Variants in DYNC1LI2 observed in about 807,000 individuals in gnomAD.
DYNC1LI2 encodes dynein cytoplasmic 1 light intermediate chain 2, also known as cytoplasmic dynein 1 light intermediate chain 2.
Under a neutral mutation model 57.8 loss-of-function variants are expected in DYNC1LI2, and 19 were observed. The observed-to-expected ratio is 0.33, with a 90% CI of 0.23 to 0.48. The LOEUF is 0.48. DYNC1LI2 is among the 20% of genes least tolerant of loss of function. The probability of loss-of-function intolerance (pLI) is 0.99; values close to 1 mark genes in which losing one functional copy is unlikely to be tolerated. For synonymous variants in DYNC1LI2, 256 were observed against 233.4 expected (o/e 1.10, Z -0.88); for missense variants, 470 against 604.2 (o/e 0.78, Z 2.33).
chr16:66,737,485 C>T (rs1457887452), intron 4 of DYNC1LI2, among the ~76,000 whole-genome samples: 3 of 121,210 alleles, frequency 2.5e-5, no homozygotes, highest in Non-Finnish European at 4.9e-5. Context: ...AGCGAGACTC[C>T]GTCTCAAAAA....
intron 8 of DYNC1LI2, among the ~76,000 whole-genome samples, chr16:66,729,567 T>C (rs1260451587): frequency 6.8e-6 from 1 of 146,862 alleles, no homozygotes; most frequent in Non-Finnish European, 1.5e-5. Flanking sequence ...CCTGTTTCTT[T>C]ATAGTTTTTT....
At chr16:66,732,227 A>G in intron 7 of DYNC1LI2, 112 bp downstream of exon 7, 1 of 1,310,100 alleles carries the variant, frequency 7.6e-7, no homozygotes, top group Admixed American at 2.6e-5. Flanking sequence ...GCAGTGAGAG[A>G]GCTGGCTGTA....
At chr16:66,744,016 A>C (rs1331311608) in intron 3 of DYNC1LI2, among the ~76,000 whole-genome samples, 1 of 152,186 alleles carries the variant, frequency 6.6e-6, no homozygotes, top group Admixed American at 6.5e-5. Flanking sequence ...GAGTAAACAG[A>C]GCAAAGAGTA....
At chr16:66,743,261 A>G (rs1313797294) in intron 3 of DYNC1LI2, among the ~76,000 whole-genome samples, 1 of 151,996 alleles carries the variant, frequency 6.6e-6, no homozygotes, top group Non-Finnish European at 1.5e-5. Context: ...AATGTCTATG[A>G]AGTAAAGATT....
chr16:66,739,096 T>A, intron 4 of DYNC1LI2: 1 of 152,162 alleles, frequency 6.6e-6, no homozygotes, highest in Non-Finnish European at 1.5e-5. Flanking sequence ...AATCTTCAAA[T>A]CAATAAAATA....
Position 66,725,817 on chromosome 16 carries a change from C to T in DYNC1LI2, c.1378+11G>A, listed in dbSNP as rs1267788823. ...CCACAAGAGTCACAAGTCTCCAGGG[C>T]CCTTCTGTACCTGACTTCTTGGCTG... On this transcript the variant is annotated intron_variant, in intron 12 of 12. Coordinates refer to ENST00000258198, the MANE Select transcript of DYNC1LI2 (RefSeq NM_006141.3). The T allele has an allele frequency of 3.1e-6, 5 of 1,609,656 alleles. No homozygotes were observed. Among genetic ancestry groups the T allele is most frequent in the African/African-American group, 1.3e-5 (1 of 74,650 alleles).
intron 5 of DYNC1LI2, among the ~76,000 whole-genome samples, chr16:66,735,019 A>AAAT (rs2017707138): frequency 1.3e-5 from 2 of 150,844 alleles, no homozygotes; most frequent in Non-Finnish European, 3.0e-5. Context: ...AAAAAAAAAA[A>AAAT]AAAGTTTTAA....
At chr16:66,724,067 G>T (rs11862377) in intron 12 of DYNC1LI2, among the ~76,000 whole-genome samples, 2 of 151,826 alleles carry the variant, frequency 1.3e-5, no homozygotes, top group African/African-American at 4.8e-5. Context: ...GCTCTCTGGC[G>T]GGGGGTGCCT....
chr16:66,736,359 A>AG, intron 4 of DYNC1LI2, 115 bp from the exon 5 acceptor site: 3 of 1,268,910 alleles, frequency 2.4e-6, no homozygotes, highest in Non-Finnish European at 3.2e-6. Flanking sequence ...TGTGTGTGAC[A>AG]AACTTCTTAG....
Position 66,727,538 on chromosome 16 carries a change from G to A in DYNC1LI2, c.1261+150C>T. 3 of 689,360 alleles carry A rather than the reference G, an allele frequency of 4.4e-6. No individual in the cohort carries two copies. The South Asian group carries it at 6.1e-5, about 14-fold the overall frequency. The allele number at this position is 689,360 out of a possible 1,614,324, so 42.7% of individuals were successfully genotyped here. On this transcript the variant is annotated intron_variant, in intron 11 of 12. Transcript: ENST00000258198. ...ACCATGGACCTTCTTCCTCTGGAAT[G>A]GGGGAAATGGAAAGTAGCCCTTATC...
At chr16:66,750,735 C>T (rs1300637429) in intron 2 of DYNC1LI2, among the ~76,000 whole-genome samples, 2 of 152,148 alleles carry the variant, frequency 1.3e-5, no homozygotes, top group African/African-American at 2.4e-5. Flanking sequence ...AACTCCCTCA[C>T]TTGAGGAGAG....
chr16:66,744,435 C>A (rs1359918565), intron 3 of DYNC1LI2, among the ~76,000 whole-genome samples: 1 of 152,076 alleles, frequency 6.6e-6, no homozygotes, highest in Non-Finnish European at 1.5e-5. Context: ...TTTTTGTTTT[C>A]TACTAAAATA....
intron 7 of DYNC1LI2, chr16:66,731,525 T>A (rs1481286969): frequency 6.6e-6 from 1 of 152,452 alleles, no homozygotes; most frequent in Non-Finnish European, 1.5e-5. Context: ...AGCATCACCC[T>A]CCTGCTTTCC....
rs1391557982 is a variant in DYNC1LI2, at chr16:66,734,200, A to T, written c.793+18T>A. On this transcript the variant is annotated intron_variant, in intron 6 of 12. Coordinates refer to ENST00000258198, the MANE Select transcript of DYNC1LI2 (RefSeq NM_006141.3). ...AGAAAGCCTGTGACCCAGGCCCCAC[A>T]CAGCGCCCAAAGGATACACTGAAGG... 6.2e-7 allele frequency: 1 copy of T among 1,613,292 alleles called. No individual in the cohort carries two copies. Among genetic ancestry groups the T allele is most frequent in the Admixed American group, 1.7e-5 (1 of 59,928 alleles).
intron 4 of DYNC1LI2, chr16:66,738,366 GCCT>G (rs1444001150): frequency 6.8e-6 from 1 of 147,994 alleles, no homozygotes; most frequent in African/African-American, 2.5e-5. Flanking sequence ...CTCTGCCTCA[GCCT>G]CCTGAGTAGC....
At position 66,723,746 on chromosome 16, in the gene DYNC1LI2, G is replaced by C. The variant is rs2017488975; in HGVS notation, c.1455C>G (p.Asn485Lys). ...TTCAGGCTTCATTTTCTGTTGAAGA[G>C]TTTGTTACCATAGAGTCTGGCTTTC... ...MTRKPDSMVT[N>K]SSTENEA The change falls in exon 13 of 13, where the codon AAC becomes AAG. Residue 485 changes from asparagine to lysine, a missense_variant. Physicochemically the swap from Asn to Lys is moderately conservative, Grantham distance 94. Transcript: ENST00000258198. 8 of 1,606,668 alleles carry C rather than the reference G, an allele frequency of 5.0e-6. No homozygotes were observed. The highest frequency in any genetic ancestry group is 5.9e-6 in the Non-Finnish European group (7 of 1,178,238).
chr16:66,737,076 C>T (rs2017747240), intron 4 of DYNC1LI2, among the ~76,000 whole-genome samples: 1 of 152,110 alleles, frequency 6.6e-6, no homozygotes, highest in Admixed American at 6.6e-5. Flanking sequence ...AGTTTGAGAC[C>T]AGCCTGGCCA....
intron 4 of DYNC1LI2, among the ~76,000 whole-genome samples, chr16:66,741,897 C>CAA (rs66527903): frequency 1.8e-3 from 193 of 106,646 alleles, no homozygotes; most frequent in African/African-American, 4.0e-3. Flanking sequence ...ATGTTAATTA[C>CAA]AAAAAAAAAA....
Position 66,749,328 on chromosome 16 carries a change from T to G in DYNC1LI2, c.182-15A>C, listed in dbSNP as rs764255924. 19 of 1,612,924 alleles carry G rather than the reference T, an allele frequency of 1.2e-5. No individual in the cohort carries two copies. Among genetic ancestry groups the G allele is most frequent in the African/African-American group, 1.3e-5 (1 of 74,904 alleles). ...ACCATCTTCACCTACAAAGGATGTT[T>G]GCAAGACAAAGGTGTACTGTTTATT... On this transcript the variant is annotated splice_polypyrimidine_tract_variant and intron_variant, in intron 2 of 12. Coordinates refer to ENST00000258198, the MANE Select transcript of DYNC1LI2 (RefSeq NM_006141.3).
Sources: gnomAD v4.1 joint callset for allele counts (sites outside exome capture counted in the v4.1 genomes callset) on GRCh38, gnomAD v4.1.1 for gene constraint, MANE v1.5 for transcripts, NCBI Gene and HGNC (gene_info 2026-07-23, HGNC 2026-07-21) for gene names.